Variants in PTPRO observed in about 807,000 individuals in gnomAD.
The protein encoded by PTPRO is receptor-type tyrosine-protein phosphatase O.
Under a neutral mutation model 145.2 loss-of-function variants are expected in PTPRO, and 62 were observed. The ratio of observed to expected loss-of-function variants is 0.43; its 90% CI spans 0.35 to 0.53. The LOEUF is 0.53. Among genes scored for constraint, PTPRO ranks in the 20% least tolerant of loss-of-function variants. The pLI is 0.01. For synonymous variants in PTPRO, 565 were observed against 514.7 expected, an observed-to-expected ratio of 1.10 and a Z score of -1.32; for missense variants, 1,345 against 1,482.7, an observed-to-expected ratio of 0.91 and a Z score of 1.53.
intron 1 of PTPRO, among the ~76,000 whole-genome samples, chr12:15,472,562 C>G (rs1035990734): frequency 2.6e-5 from 4 of 152,180 alleles, no homozygotes; most frequent in Non-Finnish European, 5.9e-5. Context: ...GGCAAACTCA[C>G]GAGCATCTTT....
chr12:15,360,711 A>C (rs894659134), intron 1 of PTPRO, among the ~76,000 whole-genome samples: 8 of 151,478 alleles, frequency 5.3e-5, no homozygotes, highest in Middle Eastern at 3.4e-3. Flanking sequence ...GTTTAAACAT[A>C]TACCTATATG....
chr12:15,575,666 A>G (rs982081620), intron 19 of PTPRO, among the ~76,000 whole-genome samples: 5 of 152,218 alleles, frequency 3.3e-5, no homozygotes, highest in African/African-American at 9.6e-5. Context: ...ATTAGTTCCT[A>G]TGGCTGCCAT....
intron 6 of PTPRO, among the ~76,000 whole-genome samples, chr12:15,505,244 T>C (rs1942298632): frequency 1.3e-5 from 2 of 152,230 alleles, no homozygotes; most frequent in East Asian, 1.9e-4. Context: ...TTCTGTCTCA[T>C]AGTAGACAGC....
chr12:15,524,570 C>T (rs1037188861), intron 10 of PTPRO, among the ~76,000 whole-genome samples: 1 of 152,140 alleles, frequency 6.6e-6, no homozygotes. Context: ...TTGATATCCT[C>T]AGGTACAGAT....
At position 15,473,208 on chromosome 12, in the gene PTPRO, A is replaced by G. The variant is rs553453537; in HGVS notation, c.76-10766A>G. On this transcript the variant is annotated intron_variant, in intron 1 of 26. Transcript: ENST00000281171. ...GACTGTCATTCAAATTCGATAACTA[A>G]TAACACTTCAGATCCTAACTGTGTC... is the stretch of plus-strand genomic sequence containing the variant. 2.6e-5 allele frequency among the ~76,000 whole-genome samples: 4 copies of G among 152,324 alleles called. No homozygotes were observed. In the South Asian group the frequency reaches 6.2e-4, roughly 24 times the overall value.
chr12:15,526,740 T>A (rs986952994), intron 12 of PTPRO, among the ~76,000 whole-genome samples: 5 of 152,124 alleles, frequency 3.3e-5, no homozygotes, highest in African/African-American at 1.2e-4. Context: ...ATAATATGGA[T>A]TTCCTAAATA....
chr12:15,443,137 G>A (rs904485370), intron 1 of PTPRO, among the ~76,000 whole-genome samples: 1 of 152,104 alleles, frequency 6.6e-6, no homozygotes, highest in Non-Finnish European at 1.5e-5. Context: ...TAGACCAATG[G>A]AACAGAATAG....
intron 21 of PTPRO, 39 bp downstream of exon 21, chr12:15,580,154 C>T (rs1460885906): frequency 2.0e-6 from 3 of 1,504,246 alleles, no homozygotes; most frequent in African/African-American, 2.8e-5. Context: ...CAAAGCTAAC[C>T]AGCCAGAGAA....
intron 1 of PTPRO, among the ~76,000 whole-genome samples, chr12:15,384,153 T>C (rs984210883): frequency 4.6e-5 from 7 of 152,206 alleles, no homozygotes; most frequent in African/African-American, 1.7e-4. Context: ...AGATTTTAAG[T>C]TTTCTTTGGG....
chr12:15,574,818 TC>T (rs1046643602), intron 19 of PTPRO, among the ~76,000 whole-genome samples: 3 of 152,214 alleles, frequency 2.0e-5, no homozygotes, highest in Non-Finnish European at 2.9e-5. Flanking sequence ...TGCTTGGGTT[TC>T]AAGACATAAT....
At chr12:15,514,840 T>A (rs533881302) in intron 7 of PTPRO, among the ~76,000 whole-genome samples, 1 of 152,110 alleles carries the variant, frequency 6.6e-6, no homozygotes, top group African/African-American at 2.4e-5. Flanking sequence ...CTCGGCTCAC[T>A]GCACCTCTGC....
intron 1 of PTPRO, among the ~76,000 whole-genome samples, chr12:15,380,312 G>A (rs961232441): frequency 3.3e-5 from 5 of 151,994 alleles, no homozygotes; most frequent in East Asian, 3.9e-4. Context: ...CTTAAATTAC[G>A]AATAGGGAAT....
Position 15,484,585 on chromosome 12 carries a change from A to AT in PTPRO, c.349+338_349+339insT, listed in dbSNP as rs1235192402. On this transcript the variant is annotated intron_variant, in intron 2 of 26. Coordinates refer to ENST00000281171, the MANE Select transcript of PTPRO (RefSeq NM_030667.3). ...CATCATAACTTGTTTATTTTTTTCC[A>AT]GAGCATGTATTCTCATATTAAGCAA... 3.2e-4 allele frequency among the ~76,000 whole-genome samples: 49 copies of AT among 152,186 alleles called. No individual in the cohort carries two copies. The Middle Eastern group carries it at 0.017, about 53-fold the overall frequency.
Position 15,539,874 on chromosome 12 carries a change from G to A in PTPRO, c.2165-6695G>A, listed in dbSNP as rs189142251. On this transcript the variant is annotated intron_variant, in intron 12 of 26. Coordinates refer to ENST00000281171, the MANE Select transcript of PTPRO (RefSeq NM_030667.3). ...TTTTATTTTTATATATAGGAAAAAG[G>A]CCTCATAATTTAATGTGTTTTCAGG... Among the ~76,000 whole-genome samples, 39 of 149,242 alleles carry A rather than the reference G, an allele frequency of 2.6e-4. 1 individual carries two copies. Among genetic ancestry groups the A allele is most frequent in the Admixed American group, 2.1e-3 (32 of 14,942 alleles).
At chr12:15,483,049 T>C (rs1591641172) in intron 1 of PTPRO, among the ~76,000 whole-genome samples, 3 of 152,232 alleles carry the variant, frequency 2.0e-5, no homozygotes, top group Admixed American at 2.0e-4. Context: ...TGTAGATTCT[T>C]AACAAGTTTC....
At chr12:15,524,319 C>G (rs570754915) in intron 10 of PTPRO, among the ~76,000 whole-genome samples, 2 of 152,256 alleles carry the variant, frequency 1.3e-5, no homozygotes, top group East Asian at 3.9e-4. Flanking sequence ...TTCTATCCTG[C>G]TTGTAGTACT....
chr12:15,517,086 T>G (rs1942615630), intron 9 of PTPRO, 130 bp downstream of exon 9: 4 of 898,888 alleles, frequency 4.4e-6, no homozygotes, highest in Middle Eastern at 2.2e-4. Flanking sequence ...GTTAGTTCAT[T>G]TTCACACTGC....
intron 1 of PTPRO, among the ~76,000 whole-genome samples, chr12:15,323,809 A>G (rs974876358): frequency 6.6e-6 from 1 of 152,220 alleles, no homozygotes; most frequent in Non-Finnish European, 1.5e-5. Flanking sequence ...TTCTTATTAT[A>G]GAGTCACTTC....
chr12:15,423,759 A>G (rs1364983104), intron 1 of PTPRO, among the ~76,000 whole-genome samples: 1 of 152,224 alleles, frequency 6.6e-6, no homozygotes, highest in Non-Finnish European at 1.5e-5. Flanking sequence ...AAGTAATAGG[A>G]TAATCACAGG....
Sources: allele counts gnomAD v4.1 joint callset (sites outside exome capture counted in the v4.1 genomes callset), GRCh38; gene constraint gnomAD v4.1.1; transcripts MANE v1.5; gene names NCBI Gene and HGNC (gene_info 2026-07-23, HGNC 2026-07-21).